Variants in ROBO2 observed in about 807,000 individuals in gnomAD.
The protein encoded by ROBO2 is roundabout guidance receptor 2.
In ROBO2, 53 loss-of-function variants were observed where a neutral mutation model predicts 160.8. The ratio of observed to expected loss-of-function variants is 0.33; its 90% CI spans 0.26 to 0.41. The LOEUF is 0.41. Among genes scored for constraint, ROBO2 ranks in the 10% least tolerant of loss-of-function variants. The probability of loss-of-function intolerance (pLI) is 1.00; values close to 1 mark genes in which losing one functional copy is unlikely to be tolerated. For missense variants in ROBO2, 1,577 were observed against 1,722.4 expected, an observed-to-expected ratio of 0.92 and a Z score of 1.49; for synonymous variants, 664 against 611.7, an observed-to-expected ratio of 1.09 and a Z score of -1.26.
intron 2 of ROBO2, among the ~76,000 whole-genome samples, chr3:76,560,929 G>A (rs2084137409): frequency 1.0e-5 from 1 of 97,278 alleles, no homozygotes; most frequent in Non-Finnish European, 2.0e-5. Flanking sequence ...TATATAAGAA[G>A]TAAGATATAT....
intron 2 of ROBO2, among the ~76,000 whole-genome samples, chr3:76,319,163 C>A (rs2072296261): frequency 6.6e-6 from 1 of 152,130 alleles, no homozygotes; most frequent in African/African-American, 2.4e-5. Flanking sequence ...TCCTGAGGAT[C>A]ACCTTTGTCC....
intron 2 of ROBO2, among the ~76,000 whole-genome samples, chr3:76,803,260 G>A (rs891876515): frequency 1.3e-5 from 2 of 152,060 alleles, no homozygotes; most frequent in Non-Finnish European, 2.9e-5. Context: ...TAATGAACTT[G>A]AACATACTTT....
chr3:76,794,849 C>G (rs1194788468), intron 2 of ROBO2, among the ~76,000 whole-genome samples: 1 of 151,934 alleles, frequency 6.6e-6, no homozygotes, highest in Non-Finnish European at 1.5e-5. Flanking sequence ...TTCTAAGACA[C>G]AATTTTCTTA....
chr3:77,171,546 A>T (rs1045759610), intron 2 of ROBO2, among the ~76,000 whole-genome samples: 1 of 152,240 alleles, frequency 6.6e-6, no homozygotes, highest in Non-Finnish European at 1.5e-5. Flanking sequence ...AGAAATAGTT[A>T]TATTTGTGGT....
At chr3:76,798,072 C>CT (rs1292603486) in intron 2 of ROBO2, among the ~76,000 whole-genome samples, 2 of 142,628 alleles carry the variant, frequency 1.4e-5, no homozygotes, top group African/African-American at 2.6e-5. Context: ...CAGTATTACC[C>CT]TGATACCAAA....
intron 2 of ROBO2, among the ~76,000 whole-genome samples, chr3:76,690,926 TG>T (rs1482606407): frequency 1.3e-5 from 2 of 152,094 alleles, no homozygotes; most frequent in Non-Finnish European, 2.9e-5. Flanking sequence ...TATTAACAGG[TG>T]GGTCCTCTGG....
chr3:76,348,912 G>A (rs1363371130), intron 2 of ROBO2, among the ~76,000 whole-genome samples: 3 of 152,148 alleles, frequency 2.0e-5, no homozygotes, highest in African/African-American at 7.2e-5. Flanking sequence ...TCAAGGAGTG[G>A]AAAGGGGAAT....
intron 2 of ROBO2, among the ~76,000 whole-genome samples, chr3:76,983,306 G>C (rs2060196973): frequency 6.6e-6 from 1 of 151,882 alleles, no homozygotes; most frequent in African/African-American, 2.4e-5. Flanking sequence ...ATTATAAAGT[G>C]TACATATTTA....
In ROBO2 at chr3:77,211,597, T is replaced by C. The variant is rs576470355; in HGVS notation, c.388+113257T>C. On this transcript the variant is annotated intron_variant, in intron 2 of 25. Coordinates refer to ENST00000461745, the Ensembl canonical transcript of ROBO2. ...AGTTTAATTAGATCCCATTTGTCAA[T>C]TTTGGCTTTTGTTACCATTGCTTTT... 4.6e-5 allele frequency among the ~76,000 whole-genome samples: 7 copies of C among 152,338 alleles called. No individual in the cohort carries two copies. The South Asian group carries it at 1.0e-3, about 23-fold the overall frequency.
chr3:77,568,271 T>C lies in ROBO2; in HGVS notation c.1850-42T>C, dbSNP rs370139808. ...CATAAAATAAATTGTAATTTTAATA[T>C]GAATTTTTAAAGGTGGGAATGATTC... On this transcript the variant is annotated intron_variant, in intron 12 of 25. Coordinates refer to ENST00000461745, the Ensembl canonical transcript of ROBO2. The C allele has an allele frequency of 1.6e-5, 25 of 1,608,544 alleles. No individual in the cohort carries two copies. The African/African-American group carries it at 1.6e-4, about 10-fold the overall frequency.
intron 1 of ROBO2, among the ~76,000 whole-genome samples, chr3:77,051,110 T>C (rs2065190983): frequency 1.3e-5 from 2 of 152,180 alleles, no homozygotes; most frequent in African/African-American, 4.8e-5. Context: ...CCTCCTTTTC[T>C]GCCCAAAACC....
intron 2 of ROBO2, among the ~76,000 whole-genome samples, chr3:76,210,579 T>C (rs1456605951): frequency 3.9e-5 from 6 of 152,148 alleles, no homozygotes; most frequent in African/African-American, 1.2e-4. Context: ...CTTCTTTCTA[T>C]GTGCTATATT....
intron 2 of ROBO2, among the ~76,000 whole-genome samples, chr3:76,137,201 G>T (rs900527526): frequency 2.0e-5 from 3 of 151,742 alleles, no homozygotes; most frequent in Non-Finnish European, 4.4e-5. Flanking sequence ...AGATAACTTT[G>T]CCAGGAAATA....
intron 2 of ROBO2, among the ~76,000 whole-genome samples, chr3:76,057,687 C>T (rs192358269): frequency 5.3e-5 from 8 of 152,130 alleles, no homozygotes; most frequent in Admixed American, 3.3e-4. Context: ...TCACTGCCGC[C>T]GACCAACAAG....
At chr3:76,108,078 A>G (rs1203055099) in intron 2 of ROBO2, among the ~76,000 whole-genome samples, 1 of 152,062 alleles carries the variant, frequency 6.6e-6, no homozygotes, top group African/African-American at 2.4e-5. Flanking sequence ...TAGATGCTCT[A>G]TCTACGTGTG....
chr3:77,207,530 C>T (rs949328084), intron 2 of ROBO2, among the ~76,000 whole-genome samples: 2 of 152,096 alleles, frequency 1.3e-5, no homozygotes, highest in African/African-American at 2.4e-5. Context: ...TTAAAATATG[C>T]ATAGGAATGT....
At chr3:76,072,226 T>C (rs551386695) in intron 2 of ROBO2, among the ~76,000 whole-genome samples, 11 of 107,600 alleles carry the variant, frequency 1.0e-4, no homozygotes, top group Non-Finnish European at 1.9e-4. Flanking sequence ...ATAGTAGACT[T>C]TCTTTCCCCC....
chr3:76,465,883 C>A (rs549463708), intron 2 of ROBO2, among the ~76,000 whole-genome samples: 1 of 151,878 alleles, frequency 6.6e-6, no homozygotes, highest in East Asian at 1.9e-4. Flanking sequence ...AAGTGAGGAG[C>A]TTTTAGTTTG....
At chr3:76,271,920 C>G (rs142861481) in intron 2 of ROBO2, among the ~76,000 whole-genome samples, 2 of 151,968 alleles carry the variant, frequency 1.3e-5, no homozygotes, top group Non-Finnish European at 2.9e-5. Context: ...GTACAAAACC[C>G]ATCAGAATAT....
Sources: gnomAD v4.1 joint callset for allele counts (sites outside exome capture counted in the v4.1 genomes callset) on GRCh38, gnomAD v4.1.1 for gene constraint, MANE v1.5 for transcripts, NCBI Gene and HGNC (gene_info 2026-07-23, HGNC 2026-07-21) for gene names.